Variants in KCNAB1 observed in about 807,000 individuals in gnomAD.
KCNAB1 encodes the protein voltage-gated potassium channel subunit beta-1.
In KCNAB1, 35 loss-of-function variants were observed where a neutral mutation model predicts 64.6. The ratio of observed to expected loss-of-function variants is 0.54; its 90% confidence interval spans 0.41 to 0.72. The LOEUF (loss-of-function observed/expected upper bound fraction) is 0.72. Ranked by LOEUF, KCNAB1 falls within the 30% of genes least tolerant of loss-of-function variation. The pLI, the probability that KCNAB1 is intolerant of heterozygous loss-of-function variation, is 0.00. For synonymous variants in KCNAB1, 177 were observed against 183.8 expected, an observed-to-expected ratio of 0.96 and a Z score of 0.30; for missense variants, 401 against 512.9, an observed-to-expected ratio of 0.78 and a Z score of 2.11.
At chr3:156,457,155 A>T in intron 3 of KCNAB1, 1 of 1,105,614 alleles carries the variant, frequency 9.0e-7, no homozygotes, top group Non-Finnish European at 1.1e-6. Context: ...AGATGCCATA[A>T]AGAATGTTGT....
At chr3:156,273,661 A>G (rs1052132128) in intron 1 of KCNAB1, 3 of 455,420 alleles carry the variant, frequency 6.6e-6, no homozygotes, top group African/African-American at 2.0e-5. Flanking sequence ...TTTCAGCGAT[A>G]TGAAGTTAAA....
Position 156,183,672 on chromosome 3 carries a change from G to T in KCNAB1, c.275+62786G>T, listed in dbSNP as rs550075830. The stretch of plus-strand genomic sequence containing the variant: ...CACTCATCTCTCCCCAGTTGCAGGG[G>T]TTTGTAGTACAGAACCTAGGTCCTT... On this transcript the variant is annotated intron_variant, in intron 1 of 13. Transcript: ENST00000490337. Among the ~76,000 whole-genome samples, 4 of 152,288 alleles carry T rather than the reference G, an allele frequency of 2.6e-5. No homozygotes were observed. In the South Asian group the frequency reaches 8.3e-4, roughly 32 times the overall value.
chr3:156,503,058 C>T (rs1350498561), intron 8 of KCNAB1, among the ~76,000 whole-genome samples: 2 of 152,204 alleles, frequency 1.3e-5, no homozygotes, highest in African/African-American at 4.8e-5. Context: ...GTACTCTATA[C>T]TCATTGTGGA....
intron 7 of KCNAB1, among the ~76,000 whole-genome samples, chr3:156,473,279 T>A (rs1714070399): frequency 6.6e-6 from 1 of 152,004 alleles, no homozygotes; most frequent in Non-Finnish European, 1.5e-5. Flanking sequence ...GAGAATTGAG[T>A]CTCAAAGAAA....
intron 1 of KCNAB1, among the ~76,000 whole-genome samples, chr3:156,387,978 T>C (rs541564775): frequency 7.2e-4 from 110 of 152,354 alleles, no homozygotes; most frequent in Middle Eastern, 3.4e-3. Context: ...TCAGGTTCCA[T>C]TTGTTAATTT....
At chr3:156,513,460 G>A (rs1312348379) in intron 8 of KCNAB1, among the ~76,000 whole-genome samples, 1 of 152,208 alleles carries the variant, frequency 6.6e-6, no homozygotes, top group Non-Finnish European at 1.5e-5. Context: ...CAAGGCCTGT[G>A]ACCCTTTGAA....
chr3:156,146,896 CT>C (rs1183050508), intron 1 of KCNAB1, among the ~76,000 whole-genome samples: 5 of 152,144 alleles, frequency 3.3e-5, no homozygotes, highest in African/African-American at 9.7e-5. Flanking sequence ...TTGCTGACCC[CT>C]GGTTTAGAAA....
intron 1 of KCNAB1, among the ~76,000 whole-genome samples, chr3:156,288,951 C>T (rs2107964350): frequency 6.6e-6 from 1 of 152,202 alleles, no homozygotes; most frequent in East Asian, 1.9e-4. Context: ...CTCCCTCTTC[C>T]TTTCTTTGTT....
At chr3:156,448,388 C>T (rs1711741853) in intron 2 of KCNAB1, among the ~76,000 whole-genome samples, 3 of 152,148 alleles carry the variant, frequency 2.0e-5, no homozygotes, top group African/African-American at 7.2e-5. Flanking sequence ...TAACAAGTCA[C>T]CTTAGTTCTT....
intron 1 of KCNAB1, among the ~76,000 whole-genome samples, chr3:156,255,332 T>A (rs1718040822): frequency 1.3e-5 from 2 of 152,200 alleles, no homozygotes; most frequent in Non-Finnish European, 1.5e-5. Context: ...CTACAGATGT[T>A]ACTGTCATGG....
chr3:156,303,936 C>A (rs923433362), intron 1 of KCNAB1, among the ~76,000 whole-genome samples: 3 of 152,196 alleles, frequency 2.0e-5, no homozygotes, highest in Admixed American at 6.5e-5. Context: ...ATTTATTCTG[C>A]AGATGGATTC....
chr3:156,484,842 A>G (rs1234134761), intron 8 of KCNAB1, among the ~76,000 whole-genome samples: 1 of 137,662 alleles, frequency 7.3e-6, no homozygotes, highest in East Asian at 2.2e-4. Flanking sequence ...CCCCTCCTGA[A>G]TATTTAATAT....
At chr3:156,458,640 C>A (rs1319420483) in intron 4 of KCNAB1, among the ~76,000 whole-genome samples, 1 of 152,140 alleles carries the variant, frequency 6.6e-6, no homozygotes, top group Non-Finnish European at 1.5e-5. Flanking sequence ...TCTGTTGAAT[C>A]CAAGGAGAGA....
chr3:156,468,016 C>T (rs1474480788), intron 7 of KCNAB1, among the ~76,000 whole-genome samples: 3 of 152,056 alleles, frequency 2.0e-5, no homozygotes, highest in African/African-American at 7.2e-5. Flanking sequence ...TAATACTTTG[C>T]AGGAGCTCTT....
intron 2 of KCNAB1, among the ~76,000 whole-genome samples, chr3:156,430,452 G>A (rs1716127284): frequency 6.6e-6 from 1 of 152,182 alleles, no homozygotes; most frequent in Non-Finnish European, 1.5e-5. Context: ...AAAACCATTA[G>A]TAATGGGGGA....
At chr3:156,218,616 A>T (rs1426757267) in intron 1 of KCNAB1, among the ~76,000 whole-genome samples, 2 of 151,720 alleles carry the variant, frequency 1.3e-5, no homozygotes, top group Non-Finnish European at 2.9e-5. Flanking sequence ...ATACACAACC[A>T]AGGACCCTTA....
chr3:156,502,532 CCACACACACACA>C (rs60469602), intron 8 of KCNAB1, among the ~76,000 whole-genome samples: 13,047 of 142,856 alleles, frequency 0.091, 640 homozygotes, highest in Middle Eastern at 0.2. Context: ...TACCTTACAA[CCACACACACACA>C]CACACACACA....
intron 4 of KCNAB1, 74 bp downstream of exon 4, chr3:156,457,606 C>A: frequency 7.6e-7 from 1 of 1,313,666 alleles, no homozygotes; most frequent in Non-Finnish European, 1.1e-6. Context: ...CCATTTCCAG[C>A]ATGTTGGTGA....
At chr3:156,483,754 G>A (rs1432127055) in intron 8 of KCNAB1, among the ~76,000 whole-genome samples, 3 of 152,106 alleles carry the variant, frequency 2.0e-5, no homozygotes, top group Admixed American at 2.0e-4. Flanking sequence ...TTCCAGGCCT[G>A]TTGAAAAATT....
Sources: allele counts gnomAD v4.1 joint callset (sites outside exome capture counted in the v4.1 genomes callset), GRCh38; gene constraint gnomAD v4.1.1; transcripts MANE v1.5; gene names NCBI Gene and HGNC (gene_info 2026-07-23, HGNC 2026-07-21).